Variants in CDHR1 observed in about 807,000 individuals in gnomAD.
CDHR1 encodes cadherin related family member 1, also known as cadherin-related family member 1.
In CDHR1, 61 loss-of-function variants were observed where a neutral mutation model predicts 72.1. The observed-to-expected ratio is 0.85, with a 90% CI of 0.69 to 1.05. CDHR1 has a LOEUF of 1.05. Among genes scored for constraint, CDHR1 ranks in the 50% least tolerant of loss-of-function variants. The pLI, the probability that CDHR1 is intolerant of heterozygous loss-of-function variation, is 0.00. For missense variants in CDHR1, 1,186 were observed against 1,115.7 expected (o/e 1.06, Z -0.90); for synonymous variants, 470 against 448.1 (o/e 1.05, Z -0.62).
chr10:84,197,333 A>G (rs1181080565), intron 3 of CDHR1, among the ~76,000 whole-genome samples: 2 of 152,010 alleles, frequency 1.3e-5, no homozygotes, highest in African/African-American at 2.4e-5. Flanking sequence ...ACCCTTCCCC[A>G]TTGAGGTCTC....
In CDHR1 at chr10:84,196,539, T is replaced by C. The variant is rs751440109; in HGVS notation, c.186T>C (p.Pro62=). 1.9e-6 allele frequency: 3 copies of C among 1,614,094 alleles called. No individual in the cohort carries two copies. The highest frequency in any genetic ancestry group is 1.3e-5 in the African/African-American group (1 of 74,940). Reference sequence around the variant, plus strand: ...TATACACCCTGAATGGGACAGACCCTGAGGGAGACCCCATCTCCTACCACA... The same window carrying C: ...TATACACCCTGAATGGGACAGACCCCGAGGGAGACCCCATCTCCTACCACA... The part of the protein sequence containing the change: ...SHVYTLNGTD[P]EGDPISYHIS... Residue 62 remains proline (P), a synonymous_variant, in exon 3 of 17, where the codon CCT becomes CCC. Transcript: ENST00000623527.
chr10:84,204,471 G>A, intron 8 of CDHR1, 56 bp from the exon 9 acceptor site: 1 of 1,197,572 alleles, frequency 8.4e-7, no homozygotes. Flanking sequence ...CATTGTTTGG[G>A]GAGGGGAGGG....
chr10:84,216,477 G>A lies in CDHR1; in HGVS notation c.*1856G>A, dbSNP rs1842427753. 1 of 985,510 alleles carries A rather than the reference G, an allele frequency of 1.0e-6. No individual in the cohort carries two copies. Among genetic ancestry groups the A allele is most frequent in the Non-Finnish European group, 1.2e-6 (1 of 829,968 alleles). 61.0% of individuals were successfully genotyped at this position (985,510 alleles called of 1,614,324 possible). ...AATACAGCATCCTTACAGCTTGCAT[G>A]CAATCAACCTCTTTTGTAAATGGAA... On this transcript the variant is annotated 3_prime_UTR_variant, in exon 17 of 17. Coordinates refer to ENST00000623527, the MANE Select transcript of CDHR1 (RefSeq NM_033100.4).
chr10:84,218,853 C>T (rs1203290433), downstream of CDHR1, among the ~76,000 whole-genome samples: 3 of 152,110 alleles, frequency 2.0e-5, no homozygotes, highest in Admixed American at 2.0e-4. Context: ...TGCTGAGTCA[C>T]ATTCAAAGAA....
intron 2 of CDHR1, among the ~76,000 whole-genome samples, chr10:84,195,903 G>T (rs540961001): frequency 1.3e-5 from 2 of 152,342 alleles, no homozygotes; most frequent in African/African-American, 4.8e-5. Flanking sequence ...AGGTCTCTAG[G>T]CTTTAAAACG....
intron 10 of CDHR1, among the ~76,000 whole-genome samples, chr10:84,206,432 A>C (rs956978213): frequency 5.9e-5 from 9 of 152,232 alleles, no homozygotes; most frequent in African/African-American, 2.2e-4. Flanking sequence ...CACAAGGACT[A>C]TACTTAGGAG....
At chr10:84,200,810 G>C (rs2132800204) in intron 6 of CDHR1, 123 bp downstream of exon 6, 1 of 715,054 alleles carries the variant, frequency 1.4e-6, no homozygotes, top group East Asian at 2.7e-5. Flanking sequence ...AGTACATGAA[G>C]GGTTGGGATG....
chr10:84,206,947 A>C (rs1842237422), intron 10 of CDHR1, among the ~76,000 whole-genome samples: 1 of 152,188 alleles, frequency 6.6e-6, no homozygotes. Flanking sequence ...GCACAGAATG[A>C]GGAAATTGCC....
rs537000214 is a variant in CDHR1, at chr10:84,197,843, G to T, written c.348+7G>T. 4.4e-5 allele frequency: 71 copies of T among 1,613,304 alleles called. No individual in the cohort carries two copies. In the South Asian group the frequency reaches 7.7e-4, roughly 17 times the overall value. ...TTCTGATGGCCTGAATCTGGTGAGT[G>T]CACGTCCAAGGCAGTCCCTGGCAGC... On this transcript the variant is annotated splice_region_variant and intron_variant, in intron 4 of 16. Coordinates refer to ENST00000623527, the MANE Select transcript of CDHR1 (RefSeq NM_033100.4).
In CDHR1 at chr10:84,217,086, G is replaced by A. The variant is rs1451161360; in HGVS notation, c.*2465G>A. The A allele has an allele frequency of 2.6e-5, 26 of 985,792 alleles. No individual in the cohort carries two copies. The highest frequency in any genetic ancestry group is 3.1e-5 in the Non-Finnish European group (26 of 830,212). 61.1% of individuals were successfully genotyped at this position (985,792 alleles called of 1,614,324 possible). On this transcript the variant is annotated 3_prime_UTR_variant, in exon 17 of 17. Coordinates refer to ENST00000623527, the MANE Select transcript of CDHR1 (RefSeq NM_033100.4). ...CAGCATGAGCCACACTAGGAAAGAGGAGGAGGGTGCAGCCAAACTTAAGGC... is the reference window on the plus strand; with the variant it reads ...CAGCATGAGCCACACTAGGAAAGAGAAGGAGGGTGCAGCCAAACTTAAGGC...
chr10:84,208,221 C>T lies in CDHR1; in HGVS notation c.1011C>T (p.Val337=), dbSNP rs1197769212. Residue 337 remains valine, a synonymous_variant, in exon 11 of 17, where the codon GTC becomes GTT. Transcript: ENST00000623527. ...GGAGCCCAGCTGCCCAGGCCACCGT[C>T]CCAGTCACCATCAGGATTGTGGACC... The part of the protein sequence containing the change: ...PAGSPAAQAT[V]PVTIRIVDLN... 1.2e-6 allele frequency: 2 copies of T among 1,614,204 alleles called. No individual in the cohort carries two copies. Among genetic ancestry groups the T allele is most frequent in the East Asian group, 2.2e-5 (1 of 44,880 alleles).
rs1029893350 is a variant in CDHR1, at chr10:84,195,728, C to A, written c.151+139C>A. ...TGTTTGCTCTCCGAATTCCCCTGGG[C>A]AATGGCAGGAAAGAAGGTCATTGCT... is the stretch of plus-strand genomic sequence containing the variant. On this transcript the variant is annotated intron_variant, in intron 2 of 16. Coordinates refer to ENST00000623527, the MANE Select transcript of CDHR1 (RefSeq NM_033100.4). The A allele has an allele frequency of 5.3e-6, 4 of 751,326 alleles. No homozygotes were observed. The South Asian group carries it at 5.9e-5, about 11-fold the overall frequency. 46.5% of individuals were successfully genotyped at this position (751,326 alleles called of 1,614,324 possible).
downstream of CDHR1, chr10:84,219,086 G>A (rs747234904): frequency 1.9e-6 from 2 of 1,071,198 alleles, no homozygotes; most frequent in South Asian, 2.8e-5. Flanking sequence ...TAGGTGAGAA[G>A]ACTAAGGTAC....
Position 84,199,037 on chromosome 10 carries a change from C to T in CDHR1, c.354C>T (p.Ala118=), listed in dbSNP as rs777469930. Residue 118 remains alanine, a synonymous_variant, in exon 5 of 17, where the codon GCC becomes GCT. Coordinates refer to ENST00000623527, the MANE Select transcript of CDHR1 (RefSeq NM_033100.4). ...ACCCCTCTGCCCCTTCTCAGGTGGC[C>T]GAAAAAGTCGTGATCCTGGTGACCG... is the stretch of plus-strand genomic sequence containing the variant. ...ISISDGLNLV[A]EKVVILVTDA... 19 of 1,551,550 alleles carry T rather than the reference C, an allele frequency of 1.2e-5. No homozygotes were observed. Among genetic ancestry groups the T allele is most frequent in the East Asian group, 1.2e-4 (5 of 40,910 alleles).
At position 84,199,118 on chromosome 10, in the gene CDHR1, C is replaced by T. The variant is rs530231116; in HGVS notation, c.435C>T (p.Pro145=). The T allele has an allele frequency of 4.5e-6, 7 of 1,550,904 alleles. No individual in the cohort carries two copies. The African/African-American group carries it at 5.5e-5, about 12-fold the overall frequency. The change falls in exon 5 of 17, where the codon CCC becomes CCT. Residue 145 remains proline, a synonymous_variant. Transcript: ENST00000623527. ...FIQEPYVALV[P]EDIPAGSIIF... ...AGGAGCCTTATGTTGCCCTGGTTCC[C>T]GAGGTAAGTGAGGAGCTGCTAGAGG...
chr10:84,207,010 G>A (rs562249796), intron 10 of CDHR1, among the ~76,000 whole-genome samples: 100 of 152,280 alleles, frequency 6.6e-4, no homozygotes, highest in Middle Eastern at 6.8e-3. Flanking sequence ...AGGTGGTCCC[G>A]TGCCGTCAGG....
chr10:84,213,589 G>A lies in CDHR1; in HGVS notation c.2040+241G>A, dbSNP rs866572653. 5.9e-5 allele frequency among the ~76,000 whole-genome samples: 9 copies of A among 152,288 alleles called. No individual in the cohort carries two copies. In the Middle Eastern group the frequency reaches 0.01, roughly 173 times the overall value. ...CCTCTGTTACCTTTCCTGTAAGATG[G>A]GATAAGGATGCCTCCTTCACACGGG... On this transcript the variant is annotated intron_variant, in intron 16 of 16. Transcript: ENST00000623527.
chr10:84,204,415 T>C (rs1842186027), intron 8 of CDHR1, 112 bp from the exon 9 acceptor site: 1 of 809,248 alleles, frequency 1.2e-6, no homozygotes, highest in Non-Finnish European at 2.2e-6. Context: ...CGTAGAGGCC[T>C]GACCCTTTCC....
intron 3 of CDHR1, 141 bp from the exon 4 acceptor site, chr10:84,197,645 C>A: frequency 1.3e-6 from 1 of 794,000 alleles, no homozygotes; most frequent in South Asian, 1.4e-5. Flanking sequence ...CTGTCACCAC[C>A]ACTTACCCTG....
Sources: gnomAD v4.1 joint callset for allele counts (sites outside exome capture counted in the v4.1 genomes callset) on GRCh38, gnomAD v4.1.1 for gene constraint, MANE v1.5 for transcripts, NCBI Gene and HGNC (gene_info 2026-07-23, HGNC 2026-07-21) for gene names.